Variants in RAD51AP2 observed in about 807,000 individuals in gnomAD.
RAD51AP2 encodes RAD51 associated protein 2, also known as RAD51-associated protein 2.
Under a neutral mutation model 85.5 loss-of-function variants are expected in RAD51AP2, and 67 were observed. That is an observed-to-expected ratio of 0.78 (90% confidence interval 0.64 to 0.96). The LOEUF (loss-of-function observed/expected upper bound fraction) is 0.96, where lower values mean the gene tolerates loss of function less well. Ranked by LOEUF, RAD51AP2 falls within the 40% of genes least tolerant of loss-of-function variation. The pLI is 0.00. For missense variants in RAD51AP2, 1,307 were observed against 1,332.4 expected (o/e 0.98, Z 0.30); for synonymous variants, 474 against 446.5 (o/e 1.06, Z -0.78).
At chr2:17,531,264 A>AT in the RAD51AP2 span, among the ~76,000 whole-genome samples, 1 of 152,106 alleles carries the variant, frequency 6.6e-6, no homozygotes, top group African/African-American at 2.4e-5. Context: ...CAACAAAGTA[A>AT]TTTTTTCCTA....
At chr2:17,513,331 G>A (rs1221451841) in intron 2 of RAD51AP2, among the ~76,000 whole-genome samples, 11 of 143,012 alleles carry the variant, frequency 7.7e-5, no homozygotes, top group Admixed American at 1.5e-4. Flanking sequence ...CCCGCCTCCC[G>A]GGTTCACTCC....
upstream of RAD51AP2, among the ~76,000 whole-genome samples, chr2:17,522,471 T>G (rs548978251): frequency 1.3e-5 from 2 of 152,088 alleles, no homozygotes; most frequent in African/African-American, 4.8e-5. Flanking sequence ...TTTCTCCGCA[T>G]TATTATGTTA....
chr2:17,524,814 T>C, the RAD51AP2 span, among the ~76,000 whole-genome samples: 1 of 151,902 alleles, frequency 6.6e-6, no homozygotes, highest in Non-Finnish European at 1.5e-5. Context: ...AAATAAGTAC[T>C]GTAAAAAATA....
upstream of RAD51AP2, chr2:17,518,446 C>A (rs1182544311): frequency 6.3e-7 from 1 of 1,588,388 alleles, no homozygotes; most frequent in Non-Finnish European, 8.6e-7. Context: ...TGTCCGAGTC[C>A]CGGCGGGGCT....
Position 17,516,714 on chromosome 2 carries a change from AAT to A in RAD51AP2, c.1700_1701del (p.Tyr567PhefsTer4). On this transcript the variant is annotated frameshift_variant, in exon 1 of 3. Transcript: ENST00000399080. LOFTEE classifies it high-confidence loss of function. ...AAAGGTTCTGAAACACTATCTTGTA[AAT>A]ATATGCTTAAAATTCCATTCTTTAT... ...TNIKNGILSIYLQDSVSEPLD... is the reference protein window; with the variant it reads ...TNIKNGILSIXLQDSVSEPLD... 1 of 1,577,102 alleles carries A rather than the reference AAT, an allele frequency of 6.3e-7. No homozygotes were observed. Among genetic ancestry groups the A allele is most frequent in the Non-Finnish European group, 8.6e-7 (1 of 1,158,282 alleles).
In RAD51AP2 at chr2:17,510,625, T is replaced by C. The variant is rs1662462584; in HGVS notation, c.*179A>G. 2 of 406,182 alleles carry C rather than the reference T, an allele frequency of 4.9e-6. No homozygotes were observed. Among genetic ancestry groups the C allele is most frequent in the Non-Finnish European group, 8.7e-6 (2 of 231,210 alleles). The allele number at this position is 406,182 out of a possible 1,614,324, so 25.2% of individuals were successfully genotyped here. A position where few individuals can be genotyped will look rare whatever the true frequency, so the allele number is the denominator to read the frequency against. ...CTTTAATGTGTACATTTTTATATCATATAAAAATCCATAAAATATTTTATA... is the reference window on the plus strand; with the variant it reads ...CTTTAATGTGTACATTTTTATATCACATAAAAATCCATAAAATATTTTATA... On this transcript the variant is annotated 3_prime_UTR_variant, in exon 3 of 3. Transcript: ENST00000399080.
the RAD51AP2 span, among the ~76,000 whole-genome samples, chr2:17,537,612 A>C: frequency 6.6e-6 from 1 of 152,150 alleles, no homozygotes; most frequent in African/African-American, 2.4e-5. Context: ...TTTTCTAATA[A>C]ATAATATTAC....
Position 17,515,272 on chromosome 2 carries a change from A to T in RAD51AP2, c.3144T>A (p.Phe1048Leu). The T allele has an allele frequency of 6.2e-7, 1 of 1,613,664 alleles. No individual in the cohort carries two copies. The highest frequency in any genetic ancestry group is 1.3e-5 in the African/African-American group (1 of 75,040). Residue 1048 changes from phenylalanine to leucine, a missense_variant, in exon 1 of 3, where the codon TTT (phenylalanine) becomes TTA (leucine). By Grantham distance (22) the Phe-to-Leu change is conservative (BLOSUM62 0). Transcript: ENST00000399080. Reference sequence around the variant, plus strand: ...CATTATTGGGTACAGTTTTCCATTTAAATAAACTTTGGTGACTTTTGCCCA... The same window carrying T: ...CATTATTGGGTACAGTTTTCCATTTTAATAAACTTTGGTGACTTTTGCCCA... ...PNMGKSHQSL[F>L]KWKTVPNNGE...
At position 17,518,020 on chromosome 2, in the gene RAD51AP2, C is replaced by T; in HGVS notation, c.396G>A (p.Arg132=). ...SPDSDLRASG[R]SEAGLHDREA... is the part of the protein sequence containing the mutation. The stretch of plus-strand genomic sequence containing the variant: ...CTCTGTCATGCAGGCCTGCCTCAGA[C>T]CTTCCTGAAGCCCTCAAATCAGAAT... Residue 132 remains arginine, a synonymous_variant, in exon 1 of 3, where the codon AGG becomes AGA. Coordinates refer to ENST00000399080, the MANE Select transcript of RAD51AP2 (RefSeq NM_001099218.3). The T allele has an allele frequency of 6.2e-7, 1 of 1,614,160 alleles. No individual in the cohort carries two copies. Among genetic ancestry groups the T allele is most frequent in the African/African-American group, 1.3e-5 (1 of 75,030 alleles).
At position 17,518,303 on chromosome 2, in the gene RAD51AP2, A is replaced by G; in HGVS notation, c.113T>C (p.Leu38Pro). The change falls in exon 1 of 3, where the codon CTT becomes CCT. Residue 38 changes from leucine to proline, a missense_variant. By Grantham distance (98) the Leu-to-Pro change is moderately conservative (BLOSUM62 -3). Around this residue, in one of 3 missense-constraint regions of RAD51AP2, gnomAD observed 635 missense variants for 643.6 expected, o/e 0.99. Coordinates refer to ENST00000399080, the MANE Select transcript of RAD51AP2 (RefSeq NM_001099218.3). ...SQPPSSKRLC[L>P]EEPGGVFKAG... ...CTTAAAGACACCTCCAGGCTCCTCA[A>G]GACAGAGCCGCTTGCTACTAGGTGG... The G allele has an allele frequency of 6.2e-7, 1 of 1,614,164 alleles. No homozygotes were observed. The highest frequency in any genetic ancestry group is 8.5e-7 in the Non-Finnish European group (1 of 1,180,014).
chr2:17,519,362 T>C (rs1662804828), upstream of RAD51AP2, among the ~76,000 whole-genome samples: 1 of 151,808 alleles, frequency 6.6e-6, no homozygotes. Flanking sequence ...TTTTTCAAAA[T>C]GTTTATTATT....
chr2:17,512,849 A>G (rs1055140601), intron 2 of RAD51AP2, among the ~76,000 whole-genome samples: 1 of 152,132 alleles, frequency 6.6e-6, no homozygotes, highest in Non-Finnish European at 1.5e-5. Flanking sequence ...CAATGTTTTG[A>G]TTAATTTTTA....
chr2:17,518,128 C>G lies in RAD51AP2; in HGVS notation c.288G>C (p.Gly96=), dbSNP rs1226668061. 6.2e-7 allele frequency: 1 copy of G among 1,614,062 alleles called. No individual in the cohort carries two copies. The highest frequency in any genetic ancestry group is 8.5e-7 in the Non-Finnish European group (1 of 1,180,022). The change falls in exon 1 of 3, where the codon GGG becomes GGC. Residue 96 remains glycine (G), a synonymous_variant. Coordinates refer to ENST00000399080, the MANE Select transcript of RAD51AP2 (RefSeq NM_001099218.3). ...AGCATTTCAGATTACATATCTGCTT[C>G]CCACTGACTGATTTCTCCACACACG... ...TDSCVEKSVS[G]KQICNLKCSN...
rs764339668 is a variant in RAD51AP2, at chr2:17,518,295, G to T, written c.121C>A (p.Pro41Thr). 8 of 1,614,024 alleles carry T rather than the reference G, an allele frequency of 5.0e-6. No homozygotes were observed. Among genetic ancestry groups the T allele is most frequent in the Non-Finnish European group, 3.4e-6 (4 of 1,180,024 alleles). The change falls in exon 1 of 3, where the codon CCT becomes ACT. Residue 41 changes from proline (P) to threonine (T), a missense_variant. Physicochemically the swap from Pro to Thr is conservative, Grantham distance 38 (BLOSUM62 -1). Around this residue, in one of 3 missense-constraint regions of RAD51AP2, gnomAD observed 635 missense variants for 643.6 expected, o/e 0.99. Coordinates refer to ENST00000399080, the MANE Select transcript of RAD51AP2 (RefSeq NM_001099218.3). ...CAGCCCGCCTTAAAGACACCTCCAG[G>T]CTCCTCAAGACAGAGCCGCTTGCTA... is the stretch of plus-strand genomic sequence containing the variant. The part of the protein sequence containing the change: ...PSSKRLCLEE[P>T]GGVFKAGWRL...
upstream of RAD51AP2, among the ~76,000 whole-genome samples, chr2:17,518,790 A>C (rs1408289367): frequency 6.6e-6 from 1 of 152,206 alleles, no homozygotes; most frequent in African/African-American, 2.4e-5. Context: ...CTTAAAAAAA[A>C]AAAATTTGTG....
At chr2:17,513,986 A>G in intron 2 of RAD51AP2, 26 bp downstream of exon 2, 1 of 1,173,088 alleles carries the variant, frequency 8.5e-7, no homozygotes, top group Non-Finnish European at 1.3e-6. Context: ...CTTAGAAGTT[A>G]TCCTAAAAAG....
Position 17,515,235 on chromosome 2 carries a change from C to T in RAD51AP2, c.3181G>A (p.Val1061Ile), listed in dbSNP as rs1197820513. Residue 1061 changes from valine (V) to isoleucine (I), a missense_variant, in exon 1 of 3, where the codon GTT becomes ATT. This residue lies in a region of RAD51AP2 where 668 missense variants were observed against 671.0 expected (regional missense o/e 1.00). Coordinates refer to ENST00000399080, the MANE Select transcript of RAD51AP2 (RefSeq NM_001099218.3). ...CTTGGATAACAACTCTCATTAGGAA[C>T]TTCCTGTTCTCCATTATTGGGTACA... ...KTVPNNGEQE[V>I]PNESCYPSRS... 1 of 1,610,024 alleles carries T rather than the reference C, an allele frequency of 6.2e-7. No homozygotes were observed. Among genetic ancestry groups the T allele is most frequent in the Non-Finnish European group, 8.5e-7 (1 of 1,178,392 alleles).
the RAD51AP2 span, among the ~76,000 whole-genome samples, chr2:17,528,934 T>C: frequency 1.3e-5 from 2 of 152,158 alleles, no homozygotes; most frequent in African/African-American, 4.8e-5. Context: ...ATAAACATAT[T>C]TCTTGGCTTT....
chr2:17,532,523 A>C, the RAD51AP2 span, among the ~76,000 whole-genome samples: 1 of 151,640 alleles, frequency 6.6e-6, no homozygotes, highest in Non-Finnish European at 1.5e-5. Flanking sequence ...CTCAAAAAAG[A>C]AAAAAAAATT....
Sources: allele counts gnomAD v4.1 joint callset (sites outside exome capture counted in the v4.1 genomes callset), GRCh38; gene constraint gnomAD v4.1.1; regional missense constraint gnomAD v4.1.1; transcripts MANE v1.5; gene names NCBI Gene and HGNC (gene_info 2026-07-23, HGNC 2026-07-21).